The following RELCH variants were observed in gnomAD, a reference collection of about 807,000 sequenced individuals.
RELCH encodes RAB11 binding and LisH domain, coiled-coil and HEAT repeat containing.
Under a neutral mutation model 150.3 loss-of-function variants are expected in RELCH, and 41 were observed. The ratio of observed to expected loss-of-function variants is 0.27; its 90% CI spans 0.21 to 0.35. RELCH has a LOEUF of 0.35. RELCH is among the 10% of genes least tolerant of loss of function. The probability of loss-of-function intolerance (pLI) is 1.00; values close to 1 mark genes in which losing one functional copy is unlikely to be tolerated. For synonymous variants in RELCH, 478 were observed against 531.8 expected (o/e 0.90, Z 1.39); for missense variants, 1,092 against 1,467.8 (o/e 0.74, Z 4.18).
Position 62,308,904 on chromosome 18 carries a change from G to A in RELCH, c.*3370G>A, listed in dbSNP as rs2045944461. The stretch of plus-strand genomic sequence containing the variant: ...TTCAAAGTTCTACTGTAACTTTACA[G>A]TGTGCTTAGTTTTGATACTATTTTT... On this transcript the variant is annotated 3_prime_UTR_variant, in exon 29 of 29. Transcript: ENST00000644646. 1 of 152,064 alleles carries A rather than the reference G, an allele frequency of 6.6e-6. No individual in the cohort carries two copies. Among genetic ancestry groups the A allele is most frequent in the Non-Finnish European group, 1.5e-5 (1 of 68,000 alleles). The allele number at this position is 152,064 out of a possible 1,614,324, so 9.4% of individuals were successfully genotyped here.
rs113108002 is a variant in RELCH, at chr18:62,241,500, A to G, written c.1621-3264A>G. Among the ~76,000 whole-genome samples, 1,077 of 152,266 alleles carry G rather than the reference A, an allele frequency of 7.1e-3. 13 individuals are homozygous for G. The highest frequency in any genetic ancestry group is 0.025 in the African/African-American group (1,030 of 41,578). ...TCTTGGATCTAATATTACCCAAGCC[A>G]TAGTTATTTTCTTACCATAGTTATT... On this transcript the variant is annotated intron_variant, in intron 10 of 28. Coordinates refer to ENST00000644646, the MANE Select transcript of RELCH (RefSeq NM_001346231.2).
intron 10 of RELCH, among the ~76,000 whole-genome samples, chr18:62,234,121 G>A (rs902024604): frequency 2.0e-5 from 3 of 151,778 alleles, no homozygotes; most frequent in Non-Finnish European, 2.9e-5. Flanking sequence ...AATTAAATTG[G>A]TAAATAATGA....
At chr18:62,213,416 C>T (rs905368138) in intron 2 of RELCH, among the ~76,000 whole-genome samples, 1 of 151,864 alleles carries the variant, frequency 6.6e-6, no homozygotes, top group Non-Finnish European at 1.5e-5. Context: ...CTGACATAAA[C>T]GCAAAATGTT....
intron 25 of RELCH, among the ~76,000 whole-genome samples, chr18:62,286,144 G>T (rs1457723586): frequency 6.6e-6 from 1 of 152,140 alleles, no homozygotes; most frequent in Admixed American, 6.6e-5. Context: ...TGAAATAAAG[G>T]AACCATATAT....
chr18:62,281,639 C>A (rs2044522886), intron 24 of RELCH, among the ~76,000 whole-genome samples: 1 of 151,734 alleles, frequency 6.6e-6, no homozygotes, highest in Non-Finnish European at 1.5e-5. Flanking sequence ...ATGAAAAAAC[C>A]CTGTAGATTA....
intron 13 of RELCH, among the ~76,000 whole-genome samples, chr18:62,257,297 G>A (rs1190406394): frequency 6.6e-6 from 1 of 152,016 alleles, no homozygotes; most frequent in African/African-American, 2.4e-5. Flanking sequence ...GCACAGCAGT[G>A]GGTGTACATT....
intron 18 of RELCH, 48 bp downstream of exon 18, chr18:62,264,900 T>A (rs1466637085): frequency 6.8e-7 from 1 of 1,466,514 alleles, no homozygotes; most frequent in Middle Eastern, 2.1e-4. Context: ...GACATAGAAA[T>A]GTAATGTGTT....
intron 10 of RELCH, among the ~76,000 whole-genome samples, chr18:62,242,067 C>T (rs1167750345): frequency 6.6e-6 from 1 of 152,120 alleles, no homozygotes; most frequent in Non-Finnish European, 1.5e-5. Flanking sequence ...TACTGGACCT[C>T]TTCTCAGCTC....
intron 5 of RELCH, among the ~76,000 whole-genome samples, chr18:62,224,493 C>T (rs1004984947): frequency 1.3e-5 from 2 of 151,984 alleles, no homozygotes; most frequent in African/African-American, 4.8e-5. Flanking sequence ...CCTTATTCAC[C>T]AATGACATGA....
chr18:62,273,143 T>C (rs1044384555), intron 20 of RELCH, among the ~76,000 whole-genome samples: 6 of 151,790 alleles, frequency 4.0e-5, no homozygotes, highest in African/African-American at 1.5e-4. Context: ...GACTTGACTT[T>C]ATTATGTATT....
chr18:62,223,519 A>C (rs908338125), intron 5 of RELCH, among the ~76,000 whole-genome samples: 1 of 152,078 alleles, frequency 6.6e-6, no homozygotes. Flanking sequence ...TTGGAGGAAG[A>C]AGTAATACAA....
At chr18:62,270,552 G>T (rs577612918) in intron 20 of RELCH, among the ~76,000 whole-genome samples, 281 of 152,084 alleles carry the variant, frequency 1.8e-3, no homozygotes, top group Non-Finnish European at 3.0e-3. Flanking sequence ...TTTTCCAATG[G>T]TTTCCTGAAT....
intron 11 of RELCH, among the ~76,000 whole-genome samples, chr18:62,247,707 T>C (rs1163542043): frequency 1.3e-5 from 2 of 152,014 alleles, no homozygotes; most frequent in African/African-American, 4.8e-5. Flanking sequence ...TCACCATGCC[T>C]GGCTAATGGT....
At chr18:62,295,260 A>G (rs2045347866) in intron 27 of RELCH, among the ~76,000 whole-genome samples, 1 of 151,334 alleles carries the variant, frequency 6.6e-6, no homozygotes, top group African/African-American at 2.4e-5. Context: ...ATATTTATTT[A>G]GATCTCCTTT....
At chr18:62,268,840 G>T in intron 19 of RELCH, 29 bp from the exon 20 acceptor site, 1 of 1,186,898 alleles carries the variant, frequency 8.4e-7, no homozygotes, top group Non-Finnish European at 1.2e-6. Flanking sequence ...ATATACTTAT[G>T]TTTTTTTAAA....
intron 5 of RELCH, among the ~76,000 whole-genome samples, chr18:62,225,530 A>G (rs1289465020): frequency 6.6e-6 from 1 of 152,056 alleles, no homozygotes; most frequent in African/African-American, 2.4e-5. Flanking sequence ...CAAAAATTTT[A>G]AACAGGTGCT....
intron 22 of RELCH, among the ~76,000 whole-genome samples, chr18:62,276,520 C>T (rs17718839): frequency 0.16 from 24,711 of 152,040 alleles, 2,693 homozygotes; most frequent in Middle Eastern, 0.28. Flanking sequence ...CTTATCCAAA[C>T]TAAAATTGCC....
chr18:62,204,923 A>G (rs1440033976), intron 1 of RELCH, among the ~76,000 whole-genome samples: 1 of 152,200 alleles, frequency 6.6e-6, no homozygotes, highest in Non-Finnish European at 1.5e-5. Context: ...ATGGATCCTG[A>G]TCAGTGTTAG....
Position 62,293,665 on chromosome 18 carries a change from G to T in RELCH, c.3459+2034G>T, listed in dbSNP as rs377148098. ...GACTATCAGTCTTGTTTAAGAAACA[G>T]TTATACTGTCACAAAGTTGATGGGG... On this transcript the variant is annotated intron_variant, in intron 27 of 28. Transcript: ENST00000644646. Among the ~76,000 whole-genome samples the T allele has an allele frequency of 1.5e-4, 23 of 151,968 alleles. 2 individuals carry two copies. Among genetic ancestry groups the T allele is most frequent in the African/African-American group, 5.5e-4 (23 of 41,456 alleles).
Sources: allele counts gnomAD v4.1 joint callset (sites outside exome capture counted in the v4.1 genomes callset), GRCh38; gene constraint gnomAD v4.1.1; transcripts MANE v1.5; gene names NCBI Gene and HGNC (gene_info 2026-07-23, HGNC 2026-07-21).